Variants in COL11A1 observed in about 807,000 individuals in gnomAD.
COL11A1 encodes collagen alpha-1(XI) chain.
Under a neutral mutation model 265.2 loss-of-function variants are expected in COL11A1, and 74 were observed. That is an observed-to-expected ratio of 0.28 (90% confidence interval 0.23 to 0.34). COL11A1 has a LOEUF of 0.34. Ranked by LOEUF, COL11A1 falls within the 10% of genes least tolerant of loss-of-function variation. The pLI is 1.00. For synonymous variants in COL11A1, 816 were observed against 727.6 expected, an observed-to-expected ratio of 1.12 and a Z score of -1.96; for missense variants, 2,165 against 2,263.6, an observed-to-expected ratio of 0.96 and a Z score of 0.88.
At chr1:102,940,461 A>C in intron 42 of COL11A1, 27 bp from the exon 43 acceptor site, 1 of 1,557,674 alleles carries the variant, frequency 6.4e-7, no homozygotes, top group Non-Finnish European at 8.8e-7. Flanking sequence ...AAGATCATTA[A>C]TTTTACAGTT....
chr1:103,088,522 T>C (rs1318219470), intron 1 of COL11A1, among the ~76,000 whole-genome samples: 2 of 152,192 alleles, frequency 1.3e-5, no homozygotes, highest in Non-Finnish European at 2.9e-5. Flanking sequence ...AGGACAATAT[T>C]TTGTGACACA....
intron 29 of COL11A1, among the ~76,000 whole-genome samples, chr1:102,988,282 T>TC (rs1438098077): frequency 2.6e-5 from 4 of 152,106 alleles, no homozygotes; most frequent in Non-Finnish European, 5.9e-5. Context: ...TATGATTGCA[T>TC]CCTCAACCAA....
intron 4 of COL11A1, among the ~76,000 whole-genome samples, chr1:103,038,480 G>A (rs899762423): frequency 1.2e-4 from 19 of 152,054 alleles, no homozygotes; most frequent in African/African-American, 3.4e-4. Context: ...CAAAAAGAGA[G>A]AGAGCGAGAG....
chr1:102,881,545 T>A, intron 65 of COL11A1, 152 bp downstream of exon 65: 1 of 672,766 alleles, frequency 1.5e-6, no homozygotes, highest in South Asian at 1.7e-5. Context: ...ACCACAGTGG[T>A]CTAAGAGATA....
At chr1:102,955,396 G>A (rs1557868415) in intron 41 of COL11A1, among the ~76,000 whole-genome samples, 1 of 152,098 alleles carries the variant, frequency 6.6e-6, no homozygotes, top group Non-Finnish European at 1.5e-5. Flanking sequence ...GGAGTCACAG[G>A]AAAACAGCAA....
intron 4 of COL11A1, among the ~76,000 whole-genome samples, chr1:103,059,281 G>T (rs1670476163): frequency 6.6e-6 from 1 of 152,078 alleles, no homozygotes; most frequent in African/African-American, 2.4e-5. Flanking sequence ...TCCACCTAAG[G>T]TCATGGGGTG....
chr1:103,104,585 C>A (rs1674548398), intron 1 of COL11A1, among the ~76,000 whole-genome samples: 1 of 152,078 alleles, frequency 6.6e-6, no homozygotes, highest in Non-Finnish European at 1.5e-5. Context: ...AATTATGAAG[C>A]AAATTGTCAC....
intron 29 of COL11A1, 113 bp downstream of exon 29, chr1:102,989,401 TTAGG>T: frequency 1.8e-6 from 1 of 550,396 alleles, no homozygotes; most frequent in Non-Finnish European, 3.0e-6. Context: ...GAGTAAAGAC[TTAGG>T]TAGTACAAAC....
intron 57 of COL11A1, among the ~76,000 whole-genome samples, chr1:102,894,097 CAAAAT>C (rs1383836956): frequency 6.6e-6 from 1 of 152,016 alleles, no homozygotes; most frequent in East Asian, 1.9e-4. Context: ...CAAAACAAAA[CAAAAT>C]AAAACCTTAA....
intron 1 of COL11A1, among the ~76,000 whole-genome samples, chr1:103,083,741 TC>T (rs1328840710): frequency 6.6e-6 from 1 of 152,202 alleles, no homozygotes; most frequent in Non-Finnish European, 1.5e-5. Flanking sequence ...ACCAGTCACT[TC>T]ATGGATATTA....
intron 1 of COL11A1, among the ~76,000 whole-genome samples, chr1:103,093,628 G>A (rs560529438): frequency 2.6e-5 from 4 of 152,216 alleles, no homozygotes; most frequent in South Asian, 2.1e-4. Flanking sequence ...CCTGTCTTTC[G>A]GTAGTACAAC....
chr1:102,902,426 G>C (rs1653328621), intron 54 of COL11A1, among the ~76,000 whole-genome samples: 3 of 152,052 alleles, frequency 2.0e-5, no homozygotes, highest in Admixed American at 2.0e-4. Flanking sequence ...CATGTTAAAT[G>C]AACAAGAATT....
In COL11A1 at chr1:102,912,192, A is replaced by C; in HGVS notation, c.4053T>G (p.Gly1351=). The stretch of plus-strand genomic sequence containing the variant: ...CAGGAGGACCTGGTGGGCCAGCCTC[A>C]CCAGATGGGCCAGGAGGACCCTATA... ...PGQPGPPGPS[G]EAGPPGPPGK... The change falls in exon 54 of 67, where the codon GGT becomes GGG. Residue 1351 remains glycine (G), a synonymous_variant. Transcript: ENST00000370096. 6.2e-7 allele frequency: 1 copy of C among 1,611,734 alleles called. No individual in the cohort carries two copies.
intron 46 of COL11A1, among the ~76,000 whole-genome samples, chr1:102,930,994 T>C (rs968979916): frequency 9.3e-5 from 14 of 150,046 alleles, no homozygotes; most frequent in Admixed American, 8.1e-4. Context: ...TTTTTCTTTA[T>C]TAGTCTTGCT....
chr1:103,014,642 T>C (rs367921622), intron 12 of COL11A1, 48 bp from the exon 13 acceptor site: 3 of 1,498,600 alleles, frequency 2.0e-6, no homozygotes, highest in South Asian at 2.3e-5. Flanking sequence ...TTGTCAAACA[T>C]GTTGAATTAC....
intron 1 of COL11A1, among the ~76,000 whole-genome samples, chr1:103,092,114 A>G (rs1182180345): frequency 6.6e-6 from 1 of 152,146 alleles, no homozygotes; most frequent in Non-Finnish European, 1.5e-5. Context: ...TGTGACTTCC[A>G]GCAAAATCAA....
chr1:103,093,284 G>C (rs1016897453), intron 1 of COL11A1, among the ~76,000 whole-genome samples: 1 of 152,038 alleles, frequency 6.6e-6, no homozygotes, highest in African/African-American at 2.4e-5. Context: ...TTAGAAAGAG[G>C]TCTGCTTTAA....
chr1:102,960,496 GA>G (rs1039069869), intron 41 of COL11A1, among the ~76,000 whole-genome samples: 2 of 149,492 alleles, frequency 1.3e-5, no homozygotes, highest in Admixed American at 6.7e-5. Context: ...GTGGGGGGGG[GA>G]ATTTTTACAA....
intron 1 of COL11A1, among the ~76,000 whole-genome samples, chr1:103,097,161 A>T (rs1215042013): frequency 6.6e-6 from 1 of 151,962 alleles, no homozygotes; most frequent in African/African-American, 2.4e-5. Context: ...ATATCGAAGT[A>T]TGCACTGACC....
Sources: gnomAD v4.1 joint callset for allele counts (sites outside exome capture counted in the v4.1 genomes callset) on GRCh38, gnomAD v4.1.1 for gene constraint, MANE v1.5 for transcripts, NCBI Gene and HGNC (gene_info 2026-07-23, HGNC 2026-07-21) for gene names.